Variants in SLC22A16 observed in about 807,000 individuals in gnomAD.
SLC22A16 encodes solute carrier family 22 member 16, also known as WUGSC:RG331P03.1.
Under a neutral mutation model 52.9 loss-of-function variants are expected in SLC22A16, and 53 were observed. The observed-to-expected ratio is 1.00, with a 90% CI of 0.80 to 1.26. The LOEUF is 1.26. Among genes scored for constraint, SLC22A16 ranks in the 50% most tolerant of loss-of-function variants. The pLI is 0.00. For missense variants in SLC22A16, 726 were observed against 704.0 expected (o/e 1.03, Z -0.35); for synonymous variants, 291 against 268.8 (o/e 1.08, Z -0.81).
At chr6:110,440,357 AC>A (rs1246696633) in intron 4 of SLC22A16, 2 of 152,380 alleles carry the variant, frequency 1.3e-5, no homozygotes, top group African/African-American at 4.8e-5. Context: ...TATAGAAGTT[AC>A]CCCTGGGAGG....
chr6:110,439,370 A>G (rs1774873333), intron 4 of SLC22A16, among the ~76,000 whole-genome samples: 1 of 152,200 alleles, frequency 6.6e-6, no homozygotes. Context: ...AAGCTTCTGC[A>G]TCCACACTCC....
At chr6:110,451,966 T>G (rs1229626856) in intron 2 of SLC22A16, among the ~76,000 whole-genome samples, 2 of 152,224 alleles carry the variant, frequency 1.3e-5, no homozygotes, top group Non-Finnish European at 2.9e-5. Flanking sequence ...TGAATCCAGT[T>G]GTATTTCCTT....
At chr6:110,433,757 A>G (rs578118050) in intron 6 of SLC22A16, among the ~76,000 whole-genome samples, 10 of 152,214 alleles carry the variant, frequency 6.6e-5, no homozygotes, top group Non-Finnish European at 1.0e-4. Flanking sequence ...TTAGAAAATG[A>G]AAACTTCCAT....
intron 7 of SLC22A16, among the ~76,000 whole-genome samples, chr6:110,427,666 ATAT>A (rs1379861150): frequency 6.6e-6 from 1 of 152,140 alleles, no homozygotes; most frequent in East Asian, 1.9e-4. Flanking sequence ...CGCTCGGCTA[ATAT>A]TTGTATTTTT....
intron 2 of SLC22A16, among the ~76,000 whole-genome samples, chr6:110,451,286 C>T (rs1775371261): frequency 6.6e-6 from 1 of 152,128 alleles, no homozygotes; most frequent in African/African-American, 2.4e-5. Context: ...ATGCATGTAC[C>T]TCTGTGGACC....
intron 7 of SLC22A16, chr6:110,425,486 G>T: frequency 9.1e-7 from 1 of 1,100,012 alleles, no homozygotes; most frequent in Non-Finnish European, 1.2e-6. Context: ...GCCAAGCAGG[G>T]ACTGTCTTAG....
At chr6:110,469,381 T>C (rs1189778641) in intron 1 of SLC22A16, among the ~76,000 whole-genome samples, 1 of 152,044 alleles carries the variant, frequency 6.6e-6, no homozygotes, top group Non-Finnish European at 1.5e-5. Flanking sequence ...TGAAACTCCA[T>C]CTCTACTATA....
At chr6:110,428,429 ATTGT>A (rs1209582901) in intron 7 of SLC22A16, among the ~76,000 whole-genome samples, 1 of 152,136 alleles carries the variant, frequency 6.6e-6, no homozygotes, top group Non-Finnish European at 1.5e-5. Flanking sequence ...TTTTGTATAG[ATTGT>A]TTGTTGGACC....
At chr6:110,457,142 T>A in intron 1 of SLC22A16, 125 bp from the exon 2 acceptor site, 2 of 914,762 alleles carry the variant, frequency 2.2e-6, no homozygotes, top group Non-Finnish European at 3.2e-6. Flanking sequence ...ATAGAAATAA[T>A]TATAGACATA....
intron 1 of SLC22A16, among the ~76,000 whole-genome samples, chr6:110,463,926 G>C (rs1282704477): frequency 7.0e-6 from 1 of 143,058 alleles, no homozygotes; most frequent in Non-Finnish European, 1.5e-5. Flanking sequence ...AAAAAAAAAA[G>C]TCAAAATCAT....
At chr6:110,425,768 T>C (rs1172228606) in intron 7 of SLC22A16, among the ~76,000 whole-genome samples, 1 of 152,238 alleles carries the variant, frequency 6.6e-6, no homozygotes, top group African/African-American at 2.4e-5. Flanking sequence ...AAAATGCAGG[T>C]CACATTAAAA....
At chr6:110,438,645 A>G in intron 5 of SLC22A16, 75 bp downstream of exon 5, 1 of 1,489,964 alleles carries the variant, frequency 6.7e-7, no homozygotes, top group Non-Finnish European at 9.0e-7. Context: ...CTTCATACTT[A>G]ACTGTAATAA....
At chr6:110,453,261 T>A (rs1249690440) in intron 2 of SLC22A16, among the ~76,000 whole-genome samples, 1 of 152,204 alleles carries the variant, frequency 6.6e-6, no homozygotes. Flanking sequence ...GTATTTGAAG[T>A]CTTTGTGCAG....
intron 1 of SLC22A16, among the ~76,000 whole-genome samples, chr6:110,459,280 G>C (rs1775779629): frequency 6.6e-6 from 1 of 152,094 alleles, no homozygotes. Context: ...TCTTTACAGT[G>C]GGGAAACCTA....
At chr6:110,444,581 A>G (rs780930085) in intron 3 of SLC22A16, among the ~76,000 whole-genome samples, 2 of 152,176 alleles carry the variant, frequency 1.3e-5, no homozygotes, top group Non-Finnish European at 2.9e-5. Context: ...TTTTGTAAAC[A>G]TGTGTCCCTT....
intron 2 of SLC22A16, among the ~76,000 whole-genome samples, chr6:110,450,020 C>T (rs1775313033): frequency 6.6e-6 from 1 of 152,178 alleles, no homozygotes; most frequent in Non-Finnish European, 1.5e-5. Context: ...TGGGGGCCTT[C>T]TCCATCTGAC....
intron 1 of SLC22A16, chr6:110,475,979 A>G (rs1232864383): frequency 4.4e-6 from 2 of 456,234 alleles, no homozygotes; most frequent in Non-Finnish European, 8.8e-6. Flanking sequence ...ATGAAGAACT[A>G]TGTGTAAGCG....
At chr6:110,432,105 TGTGA>T (rs1211569398) in intron 6 of SLC22A16, among the ~76,000 whole-genome samples, 1 of 152,232 alleles carries the variant, frequency 6.6e-6, no homozygotes, top group African/African-American at 2.4e-5. Context: ...TGTCCTTTTA[TGTGA>T]GTAAGTACCT....
chr6:110,454,145 G>A (rs1474626183), intron 2 of SLC22A16, among the ~76,000 whole-genome samples: 1 of 152,098 alleles, frequency 6.6e-6, no homozygotes. Context: ...ATGAGCCTTG[G>A]TGAGAACAGA....
Sources: allele counts gnomAD v4.1 joint callset (sites outside exome capture counted in the v4.1 genomes callset), GRCh38; gene constraint gnomAD v4.1.1; transcripts MANE v1.5; gene names NCBI Gene and HGNC (gene_info 2026-07-23, HGNC 2026-07-21).